The following GREB1 variants were observed in gnomAD, a reference collection of about 807,000 sequenced individuals.
GREB1 encodes protein GREB1.
GREB1 carries 106 observed loss-of-function variants against 200.7 expected under a neutral mutation model. That is an observed-to-expected ratio of 0.53 (90% CI 0.45 to 0.62). The LOEUF is 0.62. Ranked by LOEUF, GREB1 falls within the 20% of genes least tolerant of loss-of-function variation. GREB1 has a pLI of 0.00. For synonymous variants in GREB1, 1,132 were observed against 1,092.4 expected (o/e 1.04, Z -0.72); for missense variants, 2,243 against 2,556.8 (o/e 0.88, Z 2.65).
intron 29 of GREB1, 86 bp from the exon 30 acceptor site, chr2:11,635,184 G>A: frequency 6.6e-7 from 1 of 1,524,406 alleles, no homozygotes; most frequent in Non-Finnish European, 9.0e-7. Context: ...CCCTACGATG[G>A]GGACCCACAC....
intron 1 of GREB1, among the ~76,000 whole-genome samples, chr2:11,498,536 C>T (rs1312564909): frequency 6.6e-6 from 1 of 152,180 alleles, no homozygotes; most frequent in African/African-American, 2.4e-5. Context: ...TCAAGAGGAC[C>T]ACAAAGAGTG....
Position 11,548,949 on chromosome 2 carries a change from A to G in GREB1, c.-161-7505A>G, listed in dbSNP as rs1325535516. On this transcript the variant is annotated intron_variant, in intron 1 of 32. Coordinates refer to ENST00000381486, the MANE Select transcript of GREB1 (RefSeq NM_014668.4). The surrounding 1 kb of genome is among the most constrained non-coding windows in gnomAD (Gnocchi z 5.1). ...TCCGGGCATTATTTCATTATTTCCA[A>G]TGTCCACTATTGCTGTTGAGAAATC... 1.3e-5 allele frequency among the ~76,000 whole-genome samples: 2 copies of G among 152,112 alleles called. No individual in the cohort carries two copies. The highest frequency in any genetic ancestry group is 1.9e-4 in the East Asian group (1 of 5,194).
chr2:11,596,620 G>T (rs1293440800), intron 13 of GREB1, among the ~76,000 whole-genome samples: 2 of 93,410 alleles, frequency 2.1e-5, no homozygotes, highest in Admixed American at 2.2e-4. Context: ...GGTGTGTACA[G>T]TAAGAGGGGG....
intron 1 of GREB1, among the ~76,000 whole-genome samples, chr2:11,488,465 A>G (rs1286494116): frequency 6.6e-6 from 1 of 152,128 alleles, no homozygotes; most frequent in Non-Finnish European, 1.5e-5. Context: ...TTGATCAGGA[A>G]CTCTGACTGA....
chr2:11,490,916 C>A (rs139454116), intron 1 of GREB1, among the ~76,000 whole-genome samples: 1 of 152,156 alleles, frequency 6.6e-6, no homozygotes, highest in Non-Finnish European at 1.5e-5. Flanking sequence ...CCTATGGGAA[C>A]TCTAAGTTAA....
At chr2:11,621,680 G>A (rs1168194025) in intron 23 of GREB1, among the ~76,000 whole-genome samples, 1 of 152,208 alleles carries the variant, frequency 6.6e-6, no homozygotes, top group East Asian at 1.9e-4. Flanking sequence ...TGTCAGACGA[G>A]TCCTGTCTGT....
At chr2:11,488,873 TA>T (rs148433563) in intron 1 of GREB1, among the ~76,000 whole-genome samples, 71 of 105,768 alleles carry the variant, frequency 6.7e-4, no homozygotes, top group African/African-American at 1.5e-3. Context: ...CAGTTTTCAT[TA>T]AAAAAAAAAA....
chr2:11,564,894 T>C (rs1331389116), intron 3 of GREB1, among the ~76,000 whole-genome samples: 1 of 152,208 alleles, frequency 6.6e-6, no homozygotes, highest in Non-Finnish European at 1.5e-5. Flanking sequence ...GCACATCACA[T>C]GGCAGCAGAC....
intron 1 of GREB1, among the ~76,000 whole-genome samples, chr2:11,508,352 C>T (rs1224623168): frequency 6.6e-6 from 1 of 152,218 alleles, no homozygotes; most frequent in Non-Finnish European, 1.5e-5. Context: ...TCCTCTGCAT[C>T]GGGACACATG....
intron 1 of GREB1, among the ~76,000 whole-genome samples, chr2:11,550,388 A>G (rs1050426142): frequency 6.6e-6 from 1 of 152,188 alleles, no homozygotes; most frequent in Middle Eastern, 3.2e-3. Context: ...AAAAGGAATG[A>G]GAGAAGGGAC....
At chr2:11,563,555 G>T (rs557425997) in intron 3 of GREB1, among the ~76,000 whole-genome samples, 1 of 152,338 alleles carries the variant, frequency 6.6e-6, no homozygotes, top group East Asian at 1.9e-4. Context: ...AGTTAGTGGC[G>T]AGAACATCAG....
intron 1 of GREB1, among the ~76,000 whole-genome samples, chr2:11,507,198 C>G (rs1036038366): frequency 6.6e-6 from 1 of 152,162 alleles, no homozygotes; most frequent in Non-Finnish European, 1.5e-5. Flanking sequence ...CACCTGAGGT[C>G]AGGAGTTTCA....
At chr2:11,513,293 G>A (rs1027092851) in intron 1 of GREB1, among the ~76,000 whole-genome samples, 13 of 152,152 alleles carry the variant, frequency 8.5e-5, no homozygotes, top group African/African-American at 2.9e-4. Flanking sequence ...TCTCTCCCTT[G>A]TCCTTGTGTG....
At chr2:11,612,634 G>A (rs758574719) in intron 19 of GREB1, 24 bp downstream of exon 19, 1 of 1,472,960 alleles carries the variant, frequency 6.8e-7, no homozygotes, top group Admixed American at 1.7e-5. Context: ...TTATGCCCCT[G>A]GGGGTCTCTG....
At chr2:11,617,520 A>C (rs1337100892) in intron 21 of GREB1, among the ~76,000 whole-genome samples, 3 of 152,252 alleles carry the variant, frequency 2.0e-5, no homozygotes, top group Non-Finnish European at 4.4e-5. Flanking sequence ...CATATGAAGA[A>C]GTCTGTAATT....
chr2:11,584,284 C>T (rs1401157603), intron 7 of GREB1, among the ~76,000 whole-genome samples: 7 of 152,136 alleles, frequency 4.6e-5, no homozygotes, highest in South Asian at 2.1e-4. Flanking sequence ...GAACCATTCA[C>T]GAAGATAGTT....
rs28678090 is a variant in GREB1 at position 11,615,008 on chromosome 2, C to T, written c.3123-83C>T. The T allele has an allele frequency of 4.3e-3, 4,520 of 1,054,294 alleles. 122 individuals are homozygous for T. In the African/African-American group the frequency reaches 0.062, roughly 15 times the overall value. The allele number at this position is 1,054,294 out of a possible 1,614,324, so 65.3% of individuals were successfully genotyped here. On this transcript the variant is annotated intron_variant, in intron 19 of 32. Transcript: ENST00000381486. ...TCACCAGGAAGGTGGGGTGTGGTCC[C>T]GATCAGTGCTGCCTGCCGCAGTGGG...
chr2:11,520,461 G>T (rs897544702), intron 1 of GREB1, among the ~76,000 whole-genome samples: 1 of 152,138 alleles, frequency 6.6e-6, no homozygotes, highest in Non-Finnish European at 1.5e-5. Context: ...GCATAATTCA[G>T]TTCCCTGTAG....
rs1018165373 is a variant in GREB1, at chr2:11,490,166, C to T, written c.-159+7785C>T. Among the ~76,000 whole-genome samples, 6 of 152,226 alleles carry T rather than the reference C, an allele frequency of 3.9e-5. No homozygotes were observed. The East Asian group carries it at 5.8e-4, about 15-fold the overall frequency. ...CCATGATCTAATTCCAGAACATTTT[C>T]GTCACCCCAGAAAGAAGCCCCAGAC... is the stretch of plus-strand genomic sequence containing the variant. On this transcript the variant is annotated intron_variant, in intron 1 of 2. Coordinates refer to the GREB1 transcript ENST00000628795.
Sources: allele counts gnomAD v4.1 joint callset (sites outside exome capture counted in the v4.1 genomes callset), GRCh38; gene constraint gnomAD v4.1.1; non-coding constraint Gnocchi (gnomAD v3.1); transcripts MANE v1.5; gene names NCBI Gene and HGNC (gene_info 2026-07-23, HGNC 2026-07-21).